Variants in ARSG observed in about 807,000 individuals in gnomAD.
ARSG encodes the protein arylsulfatase G.
Under a neutral mutation model 50.5 loss-of-function variants are expected in ARSG, and 37 were observed. That is an observed-to-expected ratio of 0.73 (90% CI 0.56 to 0.96). The LOEUF (loss-of-function observed/expected upper bound fraction) is 0.96. Among genes scored for constraint, ARSG ranks in the 50% least tolerant of loss-of-function variants. The pLI, the probability that ARSG is intolerant of heterozygous loss-of-function variation, is 0.00. For missense variants in ARSG, 629 were observed against 675.3 expected, an observed-to-expected ratio of 0.93 and a Z score of 0.76; for synonymous variants, 225 against 254.6, an observed-to-expected ratio of 0.88 and a Z score of 1.11.
rs570412060 is a variant in ARSG, at chr17:68,420,325, C to G, written c.1440C>G (p.Pro480=). 2 of 1,614,040 alleles carry G rather than the reference C, an allele frequency of 1.2e-6. No homozygotes were observed. The highest frequency in any genetic ancestry group is 8.5e-7 in the Non-Finnish European group (1 of 1,180,004). ...RGGAEYQAVL[P]EVRKVLADVL... ...GTGCGGAGTACCAGGCTGTGCTGCC[C>G]GAGGTCAGAAAGGTTCTTGCAGACG... Residue 480 remains proline (P), a synonymous_variant, in exon 12 of 12, where the codon CCC becomes CCG. Coordinates refer to ENST00000621439, the MANE Select transcript of ARSG (RefSeq NM_001267727.2).
At chr17:68,426,017 A>G (rs12946747), downstream of ARSG, 337,481 of 1,400,236 alleles carry the variant, frequency 0.24, 42,208 homozygotes, top group Middle Eastern at 0.26. Flanking sequence ...GTATGAGGCG[A>G]AGGTTTCCTT....
chr17:68,291,228 C>T (rs2075974391), upstream of ARSG: 3 of 150,706 alleles, frequency 2.0e-5, no homozygotes, highest in African/African-American at 7.3e-5. Flanking sequence ...CAAGTTGGCT[C>T]GGGCTGGTGA....
At chr17:68,259,941 G>A (rs1164736841) in intron 1 of ARSG, among the ~76,000 whole-genome samples, 3 of 152,046 alleles carry the variant, frequency 2.0e-5, no homozygotes, top group South Asian at 2.1e-4. Flanking sequence ...CAGTACAGCC[G>A]GTGTTGACAT....
chr17:68,421,686 C>A, downstream of ARSG: 3 of 1,588,790 alleles, frequency 1.9e-6, no homozygotes, highest in Non-Finnish European at 2.6e-6. Flanking sequence ...TCTGCTCACA[C>A]AATTGCACTC....
chr17:68,283,925 C>G (rs1473330764), intron 1 of ARSG, among the ~76,000 whole-genome samples: 2 of 145,264 alleles, frequency 1.4e-5, no homozygotes, highest in Non-Finnish European at 3.0e-5. Context: ...TAGCAAAACA[C>G]TGTCTCTACT....
At chr17:68,388,365 G>T (rs945298055) in intron 9 of ARSG, among the ~76,000 whole-genome samples, 1 of 152,060 alleles carries the variant, frequency 6.6e-6, no homozygotes, top group Non-Finnish European at 1.5e-5. Context: ...GATGCCAATC[G>T]TGTCCCCACC....
chr17:68,421,753 T>C (rs1361187806), downstream of ARSG: 5 of 1,614,220 alleles, frequency 3.1e-6, no homozygotes, highest in South Asian at 5.5e-5. Flanking sequence ...GATGTCCTGA[T>C]TTCTGAGGTG....
the ARSG span, among the ~76,000 whole-genome samples, chr17:68,429,387 C>T: frequency 6.6e-6 from 1 of 152,040 alleles, no homozygotes; most frequent in African/African-American, 2.4e-5. Flanking sequence ...ATCTGTCAGC[C>T]CCATAGGAGT....
At chr17:68,351,719 C>T (rs759692799) in intron 5 of ARSG, 33 bp downstream of exon 5, 2 of 1,421,232 alleles carry the variant, frequency 1.4e-6, no homozygotes, top group Admixed American at 1.7e-5. Context: ...CGATAGGCTC[C>T]AGGACAAGGC....
chr17:68,377,595 AC>A (rs1375224852), intron 8 of ARSG, among the ~76,000 whole-genome samples: 1 of 152,126 alleles, frequency 6.6e-6, no homozygotes, highest in Admixed American at 6.5e-5. Context: ...CCAGCCTTGC[AC>A]CTGGCCTCTA....
At chr17:68,435,723 A>G in the ARSG span, 2 of 1,613,834 alleles carry the variant, frequency 1.2e-6, no homozygotes, top group Admixed American at 1.7e-5. Flanking sequence ...CTGTTGGTGA[A>G]AAGGAAAAAT....
At chr17:68,405,278 G>A (rs1485827348) in intron 11 of ARSG, among the ~76,000 whole-genome samples, 1 of 151,818 alleles carries the variant, frequency 6.6e-6, no homozygotes, top group Admixed American at 6.6e-5. Flanking sequence ...GACCACTTGG[G>A]GTAGTATTGA....
chr17:68,348,275 T>C (rs1558875), intron 4 of ARSG, among the ~76,000 whole-genome samples: 72,286 of 151,968 alleles, frequency 0.48, 17,641 homozygotes, highest in Admixed American at 0.56. Context: ...TCTTCAGTTT[T>C]CTCACTTGAC....
chr17:68,394,688 C>G (rs1343237346), intron 9 of ARSG, among the ~76,000 whole-genome samples: 1 of 152,074 alleles, frequency 6.6e-6, no homozygotes, highest in Non-Finnish European at 1.5e-5. Context: ...TGGTACAATC[C>G]AAGGTTCCAG....
the ARSG span, among the ~76,000 whole-genome samples, chr17:68,439,246 TA>T: frequency 5.9e-5 from 9 of 152,158 alleles, no homozygotes; most frequent in African/African-American, 2.2e-4. Context: ...TATCAACTGA[TA>T]AATGGATAAA....
At chr17:68,393,708 A>C (rs2081101648) in intron 9 of ARSG, among the ~76,000 whole-genome samples, 1 of 151,990 alleles carries the variant, frequency 6.6e-6, no homozygotes, top group Admixed American at 6.6e-5. Flanking sequence ...CTCTACTAAA[A>C]ATACAAAAAT....
downstream of ARSG, among the ~76,000 whole-genome samples, chr17:68,426,842 A>G (rs918112519): frequency 6.6e-6 from 1 of 152,162 alleles, no homozygotes; most frequent in East Asian, 1.9e-4. Context: ...GCCTCATTGG[A>G]ATTTTTGAAG....
chr17:68,289,002 G>C (rs561515220), upstream of ARSG, among the ~76,000 whole-genome samples: 3 of 152,084 alleles, frequency 2.0e-5, no homozygotes, highest in African/African-American at 7.2e-5. Context: ...CACAATCCAC[G>C]GGCAGTTTGG....
At chr17:68,446,986 T>A in the ARSG span, among the ~76,000 whole-genome samples, 1 of 152,244 alleles carries the variant, frequency 6.6e-6, no homozygotes, top group African/African-American at 2.4e-5. Flanking sequence ...GTGGGCACGA[T>A]GCTGCTGATT....
Sources: allele counts gnomAD v4.1 joint callset (sites outside exome capture counted in the v4.1 genomes callset), GRCh38; gene constraint gnomAD v4.1.1; transcripts MANE v1.5; gene names NCBI Gene and HGNC (gene_info 2026-07-23, HGNC 2026-07-21).